The following GALNT6 variants were observed in gnomAD, a reference collection of about 807,000 sequenced individuals.
GALNT6 encodes the protein GalNAc transferase 6.
In GALNT6, 51 loss-of-function variants were observed where a neutral mutation model predicts 65.9. The observed-to-expected ratio is 0.77, with a 90% CI of 0.62 to 0.98. GALNT6 has a LOEUF of 0.98. Among genes scored for constraint, GALNT6 ranks in the 50% least tolerant of loss-of-function variants. The probability of loss-of-function intolerance (pLI) is 0.00; values close to 1 mark genes in which losing one functional copy is unlikely to be tolerated. For missense variants in GALNT6, 708 were observed against 803.3 expected (o/e 0.88, Z 1.43); for synonymous variants, 323 against 315.1 (o/e 1.02, Z -0.26).
At position 51,379,450 on chromosome 12, in the gene GALNT6, T is replaced by C. The variant is rs557538408; in HGVS notation, c.332A>G (p.Asn111Ser). 138 of 1,613,944 alleles carry C rather than the reference T, an allele frequency of 8.6e-5. No individual in the cohort carries two copies. Among genetic ancestry groups the C allele is most frequent in the South Asian group, 4.2e-4 (38 of 91,078 alleles). ...TGCTTTTCCATCTGCCCCAGGGGCA[T>C]TGGGGTCCTGTGGTGGCCGTTCCCA... ...PFWERPPQDP[N>S]APGADGKAFQ... The change falls in exon 3 of 12, where the codon AAT becomes AGT. Residue 111 changes from asparagine to serine, a missense_variant. Transcript: ENST00000356317.
At chr12:51,374,391 G>T (rs966305819) in intron 4 of GALNT6, among the ~76,000 whole-genome samples, 2 of 152,268 alleles carry the variant, frequency 1.3e-5, no homozygotes, top group African/African-American at 4.8e-5. Flanking sequence ...GTCTGGCCTT[G>T]CTTTATAAGT....
At chr12:51,390,041 T>A (rs1374126962) in intron 2 of GALNT6, among the ~76,000 whole-genome samples, 1 of 152,232 alleles carries the variant, frequency 6.6e-6, no homozygotes, top group South Asian at 2.1e-4. Context: ...TGATTACCTC[T>A]GGGTTCCTAA....
At position 51,365,486 on chromosome 12, in the gene GALNT6, C is replaced by T. The variant is rs536166167; in HGVS notation, c.758G>A (p.Arg253Gln). 30 of 1,612,308 alleles carry T rather than the reference C, an allele frequency of 1.9e-5. No homozygotes were observed. The highest frequency in any genetic ancestry group is 2.2e-4 in the Middle Eastern group (1 of 4,580). ...QEERKGLITA[R>Q]LLGASVAQAE... is the part of the protein sequence containing the mutation. ...CTGTGCCACGCTGGCCCCCAGCAGC[C>T]GGGCGGTGATCAGCCCCTTCCGCTC... Residue 253 changes from arginine (R) to glutamine (Q), a missense_variant, in exon 5 of 12, where the codon CGG (arginine) becomes CAG (glutamine). Arg to Gln is a conservative substitution (Grantham distance 43). Transcript: ENST00000356317.
chr12:51,355,827 G>A lies in GALNT6; in HGVS notation c.1734C>T (p.Asp578=), dbSNP rs139828720. 2,665 of 1,613,516 alleles carry A rather than the reference G, an allele frequency of 1.7e-3. 53 individuals are homozygous for A. In the South Asian group the frequency reaches 0.026, roughly 16 times the overall value. The part of the protein sequence containing the change: ...FTGKNSQVPK[D]EEWELAQDQL... The stretch of plus-strand genomic sequence containing the variant: ...TCACCTGGGCCAATTCCCATTCCTC[G>A]TCCTTGGGGACCTGGCTATTCTTGC... Residue 578 remains aspartate (D), a synonymous_variant, in exon 11 of 12, where the codon GAC becomes GAT. Transcript: ENST00000356317.
chr12:51,373,647 C>A (rs530909561), intron 4 of GALNT6, among the ~76,000 whole-genome samples: 1 of 152,296 alleles, frequency 6.6e-6, no homozygotes, highest in East Asian at 1.9e-4. Flanking sequence ...AGAAAGATAA[C>A]GAAAGAACCC....
intron 4 of GALNT6, among the ~76,000 whole-genome samples, chr12:51,374,437 G>A (rs963958541): frequency 6.6e-6 from 1 of 152,170 alleles, no homozygotes. Context: ...GAAGATGTGA[G>A]CTTCCTGAAG....
At position 51,387,166 on chromosome 12, in the gene GALNT6, C is replaced by T. The variant is rs906235532; in HGVS notation, c.-104+3684G>A. On this transcript the variant is annotated intron_variant, in intron 2 of 11. Transcript: ENST00000356317. This position sits in a 1 kb window ranked among gnomAD's most constrained non-coding sequence, Gnocchi z 4.2. ...ATACTGGAGTGCAGTGGCGGGATCT[C>T]GGCTCACTGCAACCTCCGACTCCTG... is the stretch of plus-strand genomic sequence containing the variant. 4.6e-5 allele frequency among the ~76,000 whole-genome samples: 7 copies of T among 151,740 alleles called. No individual in the cohort carries two copies. Among genetic ancestry groups the T allele is most frequent in the East Asian group, 3.9e-4 (2 of 5,180 alleles).
chr12:51,355,390 T>C (rs1946715165), intron 11 of GALNT6, among the ~76,000 whole-genome samples: 1 of 152,146 alleles, frequency 6.6e-6, no homozygotes, highest in Admixed American at 6.5e-5. Flanking sequence ...ACCTTCTACA[T>C]TGCTCTACTC....
intron 2 of GALNT6, 106 bp downstream of exon 2, chr12:51,390,744 C>G (rs1948050166): frequency 1.3e-5 from 2 of 152,392 alleles, no homozygotes; most frequent in South Asian, 4.1e-4. Context: ...AACATCCTTT[C>G]TGAGAGTGCT....
At chr12:51,390,134 A>T (rs1386092348) in intron 2 of GALNT6, among the ~76,000 whole-genome samples, 12 of 81,658 alleles carry the variant, frequency 1.5e-4, no homozygotes, top group African/African-American at 4.9e-4. Context: ...GAATCAAAGC[A>T]TATTTCTTTC....
At chr12:51,363,980 C>T (rs1947007983) in intron 6 of GALNT6, 141 bp downstream of exon 6, 6 of 693,034 alleles carry the variant, frequency 8.7e-6, no homozygotes, top group Non-Finnish European at 1.6e-5. Flanking sequence ...ATTGTACCTG[C>T]TTCATAGGGA....
At chr12:51,359,013 G>A (rs1946834991) in intron 8 of GALNT6, 119 bp downstream of exon 8, 16 of 768,384 alleles carry the variant, frequency 2.1e-5, no homozygotes, top group Non-Finnish European at 3.3e-5. Context: ...GGTCCCTGAG[G>A]GTGAAGGGAG....
chr12:51,379,337 G>A lies in GALNT6; in HGVS notation c.445C>T (p.Arg149Trp), dbSNP rs747522307. ...CCCAGGGACCTCTGCAGGGAGATCC[G>A]GTCGCTGGCAAAGGCATTGAAACAG... ...KHCFNAFASDRISLQRSLGPD... is the reference protein window; with the variant it reads ...KHCFNAFASDWISLQRSLGPD... Residue 149 changes from arginine (R) to tryptophan (W), a missense_variant, in exon 3 of 12, where the codon CGG (arginine) becomes TGG (tryptophan). Arg to Trp is a moderately radical substitution (Grantham distance 101). Coordinates refer to ENST00000356317, the MANE Select transcript of GALNT6 (RefSeq NM_007210.4). 11 of 1,533,466 alleles carry A rather than the reference G, an allele frequency of 7.2e-6. No individual in the cohort carries two copies. Among genetic ancestry groups the A allele is most frequent in the East Asian group, 4.5e-5 (2 of 44,338 alleles). 95.0% of individuals were successfully genotyped at this position (1,533,466 alleles called of 1,614,324 possible).
At chr12:51,373,165 G>GA (rs2137679189) in intron 4 of GALNT6, among the ~76,000 whole-genome samples, 1 of 152,304 alleles carries the variant, frequency 6.6e-6, no homozygotes, top group Non-Finnish European at 1.5e-5. Context: ...ACTTTGGGGG[G>GA]ACTGTTGGAA....
chr12:51,384,088 G>A (rs948037884), intron 2 of GALNT6, among the ~76,000 whole-genome samples: 1 of 151,982 alleles, frequency 6.6e-6, no homozygotes, highest in African/African-American at 2.4e-5. Flanking sequence ...TTTCCCTCTC[G>A]CTGTGGCTCA....
intron 10 of GALNT6, 139 bp downstream of exon 10, chr12:51,357,210 G>T: frequency 1.7e-6 from 1 of 578,586 alleles, no homozygotes; most frequent in African/African-American, 1.9e-5. Flanking sequence ...TGTGTGTTAT[G>T]CCTTCTCCTC....
intron 4 of GALNT6, among the ~76,000 whole-genome samples, chr12:51,369,577 G>A (rs1947224244): frequency 6.6e-6 from 1 of 152,210 alleles, no homozygotes; most frequent in African/African-American, 2.4e-5. Context: ...TCAGTTCCAT[G>A]ATCTGAAGTA....
At chr12:51,370,599 C>A (rs1947263180) in intron 4 of GALNT6, among the ~76,000 whole-genome samples, 1 of 152,120 alleles carries the variant, frequency 6.6e-6, no homozygotes, top group Non-Finnish European at 1.5e-5. Flanking sequence ...TGAAATAAGC[C>A]AGTCACAAAA....
At chr12:51,373,304 A>C (rs926185412) in intron 4 of GALNT6, among the ~76,000 whole-genome samples, 1 of 152,180 alleles carries the variant, frequency 6.6e-6, no homozygotes, top group African/African-American at 2.4e-5. Context: ...CCCACATGTG[A>C]TGGAAGGGAC....
Sources: allele counts gnomAD v4.1 joint callset (sites outside exome capture counted in the v4.1 genomes callset), GRCh38; gene constraint gnomAD v4.1.1; non-coding constraint Gnocchi (gnomAD v3.1); transcripts MANE v1.5; gene names NCBI Gene and HGNC (gene_info 2026-07-23, HGNC 2026-07-21).